PXN: variants seen among roughly 807,000 people sequenced by gnomAD.
PXN encodes the protein paxillin, also known as testicular tissue protein Li 134.
A neutral mutation model predicts 103.6 loss-of-function variants in PXN; 61 were observed. The ratio of observed to expected loss-of-function variants is 0.59; its 90% CI spans 0.48 to 0.73. The LOEUF (loss-of-function observed/expected upper bound fraction) is 0.73, where lower values mean the gene tolerates loss of function less well. PXN is among the 30% of genes least tolerant of loss of function. PXN has a pLI of 0.00. For missense variants in PXN, 1,274 were observed against 1,460.3 expected (o/e 0.87, Z 2.08); for synonymous variants, 562 against 607.8 (o/e 0.92, Z 1.11).
rs1410732343 is a variant in PXN at position 120,214,177 on chromosome 12, T to C, written c.2789A>G (p.His930Arg). 6.4e-7 allele frequency: 1 copy of C among 1,551,976 alleles called. No homozygotes were observed. Among genetic ancestry groups the C allele is most frequent in the East Asian group, 2.4e-5 (1 of 40,948 alleles). The change falls in exon 13 of 15, where the codon CAC becomes CGC. Residue 930 changes from histidine (H) to arginine (R), a missense_variant. By Grantham distance (29) the His-to-Arg change is conservative. Coordinates refer to ENST00000637617, the MANE Select transcript of PXN (RefSeq NM_001385981.1). This position sits in a 1 kb window ranked among gnomAD's most constrained non-coding sequence, Gnocchi z 5.0. ...TALDRTWHPE[H>R]FFCAQCGAFF... ...GGCTCCACACTGTGCACAGAAGAAGTGTTCAGGGTGCCACGTCCGGTCAAG... is the reference window on the plus strand; with the variant it reads ...GGCTCCACACTGTGCACAGAAGAAGCGTTCAGGGTGCCACGTCCGGTCAAG...
rs1453568282 is a variant in PXN at position 120,228,027 on chromosome 12, C to T, written c.14-3650G>A. On this transcript the variant is annotated intron_variant, in intron 1 of 14. Transcript: ENST00000637617. This position sits in a 1 kb window ranked among gnomAD's most constrained non-coding sequence, Gnocchi z 4.7. ...TTTCCCTCTGCTCTAAATATTCCTGCTCCTCATACCCCAAAGAAGGTGTCA... is the reference window on the plus strand; with the variant it reads ...TTTCCCTCTGCTCTAAATATTCCTGTTCCTCATACCCCAAAGAAGGTGTCA... Among the ~76,000 whole-genome samples, 2 of 152,204 alleles carry T rather than the reference C, an allele frequency of 1.3e-5. No homozygotes were observed. Among genetic ancestry groups the T allele is most frequent in the Non-Finnish European group, 2.9e-5 (2 of 68,040 alleles).
In PXN at chr12:120,216,218, A is replaced by G; in HGVS notation, c.2301+55T>C. The G allele has an allele frequency of 7.9e-7, 1 of 1,265,152 alleles. No homozygotes were observed. 78.4% of individuals were successfully genotyped at this position (1,265,152 alleles called of 1,614,324 possible). On this transcript the variant is annotated intron_variant, in intron 9 of 14. Coordinates refer to ENST00000637617, the MANE Select transcript of PXN (RefSeq NM_001385981.1). This position sits in a 1 kb window ranked among gnomAD's most constrained non-coding sequence, Gnocchi z 5.1. Reference sequence around the variant, plus strand: ...CACGTGTGTGTGTGCAGAGTGGGGGATGGCTCAGGCATTAGGACAGGGGAC... The same window carrying G: ...CACGTGTGTGTGTGCAGAGTGGGGGGTGGCTCAGGCATTAGGACAGGGGAC...
intron 1 of PXN, among the ~76,000 whole-genome samples, chr12:120,263,219 T>C (rs1047961579): frequency 1.3e-5 from 2 of 151,608 alleles, no homozygotes; most frequent in Admixed American, 6.6e-5. Flanking sequence ...CTGATGGCAG[T>C]GTGCTGAGCC....
chr12:120,262,141 C>A (rs1893972632), intron 1 of PXN, among the ~76,000 whole-genome samples: 1 of 152,184 alleles, frequency 6.6e-6, no homozygotes, highest in Admixed American at 6.5e-5. Flanking sequence ...GCTCCCAATG[C>A]CCCAGGCAAC....
At position 120,211,658 on chromosome 12, in the gene PXN, C is replaced by G; in HGVS notation, c.*656G>C. 1 of 307,036 alleles carries G rather than the reference C, an allele frequency of 3.3e-6. No individual in the cohort carries two copies. Among genetic ancestry groups the G allele is most frequent in the Non-Finnish European group, 6.6e-6 (1 of 152,312 alleles). The allele number at this position is 307,036 out of a possible 1,614,324, so 19.0% of individuals were successfully genotyped here. The stretch of plus-strand genomic sequence containing the variant: ...GCCGTCCCGGAGACGGAGGAAGTGA[C>G]TAGAAAACATTATTGCTGGAGAGGC... On this transcript the variant is annotated 3_prime_UTR_variant, in exon 15 of 15. Coordinates refer to ENST00000637617, the MANE Select transcript of PXN (RefSeq NM_001385981.1).
chr12:120,236,649 G>C (rs972766567), intron 1 of PXN, among the ~76,000 whole-genome samples: 1 of 151,710 alleles, frequency 6.6e-6, no homozygotes, highest in Admixed American at 6.6e-5. Context: ...GCTAATTTTT[G>C]TATTTTTAGT....
At chr12:120,253,449 G>A (rs977950362) in intron 1 of PXN, among the ~76,000 whole-genome samples, 1 of 152,116 alleles carries the variant, frequency 6.6e-6, no homozygotes, top group Non-Finnish European at 1.5e-5. Flanking sequence ...CTCTAGCCTG[G>A]GTGACAGAGC....
chr12:120,255,518 A>AC (rs1892858227), intron 1 of PXN, among the ~76,000 whole-genome samples: 1 of 151,332 alleles, frequency 6.6e-6, no homozygotes, highest in African/African-American at 2.4e-5. Flanking sequence ...CTATGGTGAA[A>AC]CCCCATCTCT....
At position 120,211,840 on chromosome 12, in the gene PXN, G is replaced by A. The variant is rs1880257242; in HGVS notation, c.*474C>T. On this transcript the variant is annotated 3_prime_UTR_variant, in exon 15 of 15. Coordinates refer to ENST00000637617, the MANE Select transcript of PXN (RefSeq NM_001385981.1). The stretch of plus-strand genomic sequence containing the variant: ...CCTTTGGATGGATGGATTTATGCTG[G>A]CATTGTCTGGAGGGAGCCGGGTGTC... 11 of 473,844 alleles carry A rather than the reference G, an allele frequency of 2.3e-5. No homozygotes were observed. Among genetic ancestry groups the A allele is most frequent in the South Asian group, 1.5e-4 (10 of 66,124 alleles). The allele number at this position is 473,844 out of a possible 1,614,324, so 29.4% of individuals were successfully genotyped here.
chr12:120,218,938 T>C (rs1225310459), intron 7 of PXN, among the ~76,000 whole-genome samples: 1 of 152,188 alleles, frequency 6.6e-6, no homozygotes, highest in East Asian at 1.9e-4. Flanking sequence ...TCCATGCTGC[T>C]AACCATTTCA....
chr12:120,265,691 A>C lies in PXN; in HGVS notation c.-62T>G. 7.4e-7 allele frequency: 1 copy of C among 1,352,994 alleles called. No individual in the cohort carries two copies. The highest frequency in any genetic ancestry group is 9.5e-7 in the Non-Finnish European group (1 of 1,048,554). The allele number at this position is 1,352,994 out of a possible 1,614,324, so 83.8% of individuals were successfully genotyped here. ...CTGCCCGTCCCGGGGCCGCTCGTCT[A>C]TGCCCCGCAACTTTTCCGCCGCGAG... is the stretch of plus-strand genomic sequence containing the variant. On this transcript the variant is annotated 5_prime_UTR_variant, in exon 1 of 15. Coordinates refer to ENST00000637617, the MANE Select transcript of PXN (RefSeq NM_001385981.1). This position sits in a 1 kb window ranked among gnomAD's most constrained non-coding sequence, Gnocchi z 5.7.
intron 1 of PXN, among the ~76,000 whole-genome samples, chr12:120,238,867 GCTATGTA>G (rs1889623648): frequency 2.0e-5 from 3 of 152,164 alleles, no homozygotes. Flanking sequence ...TCTGTGCCTA[GCTATGTA>G]TGGGGGGCAC....
rs1884804713 is a variant in PXN at position 120,220,535 on chromosome 12, A to C, written c.832-444T>G. ...ACACCCCAAGTCCTCTACGTCTTCC[A>C]CATCCTTGCTCCAGGGATCTGACTA... On this transcript the variant is annotated intron_variant, in intron 6 of 14. Transcript: ENST00000637617. The surrounding 1 kb of genome is among the most constrained non-coding windows in gnomAD (Gnocchi z 6.1). Among the ~76,000 whole-genome samples the C allele has an allele frequency of 1.3e-5, 2 of 152,186 alleles. No homozygotes were observed. Among genetic ancestry groups the C allele is most frequent in the African/African-American group, 4.8e-5 (2 of 41,438 alleles).
rs1882130892 is a variant in PXN, at chr12:120,214,949, G to C, written c.2624C>G (p.Thr875Ser). 4.3e-6 allele frequency: 7 copies of C among 1,614,016 alleles called. No individual in the cohort carries two copies. The highest frequency in any genetic ancestry group is 3.4e-6 in the Non-Finnish European group (4 of 1,179,872). ...KTWHPEHFVC[T>S]HCQEEIGSRN... ...GGATCCGATCTCCTCCTGGCAGTGG[G>C]TGCAGACGAAGTGCTCGGGGTGCCA... The change falls in exon 12 of 15, where the codon ACC (threonine) becomes AGC (serine). Residue 875 changes from threonine (T) to serine (S), a missense_variant. This residue lies in a region of PXN where 1,178 missense variants were observed against 1,309.0 expected (regional missense o/e 0.90). Transcript: ENST00000637617. This position sits in a 1 kb window ranked among gnomAD's most constrained non-coding sequence, Gnocchi z 5.0.
chr12:120,265,517 C>T lies in PXN; in HGVS notation c.13+100G>A. ...GGACAGGAGCTGAGGCCGGGGCCGCCGAGGGTGGGATCCCGCGGCCCCTGC... is the reference window on the plus strand; with the variant it reads ...GGACAGGAGCTGAGGCCGGGGCCGCTGAGGGTGGGATCCCGCGGCCCCTGC... On this transcript the variant is annotated intron_variant, in intron 1 of 14. Transcript: ENST00000637617. This position sits in a 1 kb window ranked among gnomAD's most constrained non-coding sequence, Gnocchi z 5.7. The T allele has an allele frequency of 3.3e-5, 43 of 1,316,916 alleles. No individual in the cohort carries two copies. Among genetic ancestry groups the T allele is most frequent in the Non-Finnish European group, 3.9e-5 (40 of 1,015,434 alleles). 81.6% of individuals were successfully genotyped at this position (1,316,916 alleles called of 1,614,324 possible). A position where few individuals can be genotyped will look rare whatever the true frequency, so the allele number is the denominator to read the frequency against.
chr12:120,239,974 T>A (rs982456840), intron 1 of PXN, among the ~76,000 whole-genome samples: 1 of 151,104 alleles, frequency 6.6e-6, no homozygotes, highest in Non-Finnish European at 1.5e-5. Context: ...ATGACCTGCC[T>A]GGCCTCTGCA....
Position 120,219,281 on chromosome 12 carries a change from C to A in PXN, c.1642G>T (p.Glu548Ter), listed in dbSNP as rs750638192. 1 of 1,598,420 alleles carries A rather than the reference C, an allele frequency of 6.3e-7. No individual in the cohort carries two copies. Among genetic ancestry groups the A allele is most frequent in the Non-Finnish European group, 8.5e-7 (1 of 1,179,782 alleles). Residue 548 changes from glutamate to a stop codon, truncating the protein, a stop_gained, in exon 7 of 15, where the codon GAA becomes TAA. Transcript: ENST00000637617. LOFTEE classifies it high-confidence loss of function. The surrounding 1 kb of genome is among the most constrained non-coding windows in gnomAD (Gnocchi z 6.5). ...TTEAATQDGK[E>*]QPELPCAMAM... ...ATGGCACATGGAAGCTCTGGCTGTT[C>A]CTTCCCGTCCTGGGTGGCAGCTTCC...
At chr12:120,244,919 C>T (rs1890803560) in intron 1 of PXN, among the ~76,000 whole-genome samples, 1 of 151,786 alleles carries the variant, frequency 6.6e-6, no homozygotes, top group South Asian at 2.1e-4. Context: ...GAGCATAGCC[C>T]CTTGTGGGTA....
chr12:120,233,763 A>G (rs1385233274), intron 1 of PXN, among the ~76,000 whole-genome samples: 1 of 152,056 alleles, frequency 6.6e-6, no homozygotes, highest in African/African-American at 2.4e-5. Context: ...GCCCCAAACT[A>G]ACCTTCACTG....
Sources: allele counts gnomAD v4.1 joint callset (sites outside exome capture counted in the v4.1 genomes callset), GRCh38; gene constraint gnomAD v4.1.1; regional missense constraint gnomAD v4.1.1; non-coding constraint Gnocchi (gnomAD v3.1); transcripts MANE v1.5; gene names NCBI Gene and HGNC (gene_info 2026-07-23, HGNC 2026-07-21).